Variants in DCAF4L2 observed in about 807,000 individuals in gnomAD.
DCAF4L2 encodes the protein DDB1 and CUL4 associated factor 4 like 2, also known as DDB1- and CUL4-associated factor 4-like protein 2.
DCAF4L2 carries 13 observed loss-of-function variants against 15.5 expected under a neutral mutation model. The ratio of observed to expected loss-of-function variants is 0.84; its 90% CI spans 0.54 to 1.33. DCAF4L2 has a LOEUF of 1.33. Among genes scored for constraint, DCAF4L2 ranks in the 40% most tolerant of loss-of-function variants. The probability of loss-of-function intolerance (pLI) is 0.00; values close to 1 mark genes in which losing one functional copy is unlikely to be tolerated. For synonymous variants in DCAF4L2, 251 were observed against 207.0 expected (o/e 1.21, Z -1.83); for missense variants, 519 against 509.6 (o/e 1.02, Z -0.18).
chr8:87,873,324 T>TC lies in DCAF4L2; in HGVS notation c.647dup (p.His217ThrfsTer8). On this transcript the variant is annotated frameshift_variant, in exon 1 of 1. Coordinates refer to ENST00000319675, the MANE Select transcript of DCAF4L2 (RefSeq NM_152418.4). LOFTEE classifies it high-confidence loss of function. Reference sequence around the variant, plus strand: ...TGCTAGTCCCAAATGACTGCTGGTGTCCCGTCACCACGTTGGTCAACAGGA... The same window carrying TC: ...TGCTAGTCCCAAATGACTGCTGGTGTCCCCGTCACCACGTTGGTCAACAGGA... 8.1e-6 allele frequency: 13 copies of TC among 1,614,176 alleles called. No individual in the cohort carries two copies. The highest frequency in any genetic ancestry group is 1.1e-5 in the Non-Finnish European group (13 of 1,180,032).
In DCAF4L2 at chr8:87,873,454, C is replaced by T; in HGVS notation, c.518G>A (p.Arg173Gln). ...LFIGSFPGMRRPGMLCSFQIP... is the reference protein window; with the variant it reads ...LFIGSFPGMRQPGMLCSFQIP... ...CTGGAAACTGCAAAGCATGCCAGGC[C>T]GACGCATTCCTGGGAAGCTACCTAT... Residue 173 changes from arginine (R) to glutamine (Q), a missense_variant, in exon 1 of 1, where the codon CGG (arginine) becomes CAG (glutamine). Physicochemically the swap from Arg to Gln is conservative, Grantham distance 43. Coordinates refer to ENST00000319675, the MANE Select transcript of DCAF4L2 (RefSeq NM_152418.4). The T allele has an allele frequency of 4.3e-6, 7 of 1,614,142 alleles. No homozygotes were observed. Among genetic ancestry groups the T allele is most frequent in the Non-Finnish European group, 5.9e-6 (7 of 1,180,038 alleles).
chr8:87,872,543 C>A lies in DCAF4L2; in HGVS notation c.*241G>T. 1 of 361,538 alleles carries A rather than the reference C, an allele frequency of 2.8e-6. No homozygotes were observed. The highest frequency in any genetic ancestry group is 4.9e-6 in the Non-Finnish European group (1 of 203,526). 22.4% of individuals were successfully genotyped at this position (361,538 alleles called of 1,614,324 possible). A position where few individuals can be genotyped will look rare whatever the true frequency, so the allele number is the denominator to read the frequency against. On this transcript the variant is annotated 3_prime_UTR_variant, in exon 1 of 1. Transcript: ENST00000319675. ...GGGGGGATAACTATTCTAAGGTATTCAACAAGAAAAGGAAATAGTTATCTT... is the reference window on the plus strand; with the variant it reads ...GGGGGGATAACTATTCTAAGGTATTAAACAAGAAAAGGAAATAGTTATCTT...
rs1466806625 is a variant in DCAF4L2, at chr8:87,871,757, C to G, written c.*1027G>C. 6.6e-6 allele frequency: 1 copy of G among 152,120 alleles called. No individual in the cohort carries two copies. Among genetic ancestry groups the G allele is most frequent in the Admixed American group, 6.6e-5 (1 of 15,266 alleles). The allele number at this position is 152,120 out of a possible 1,614,324, so 9.4% of individuals were successfully genotyped here. ...ACTCATTTCTACCTACATTTACAAT[C>G]AACATGTTGAGATTAATCCACAGTT... On this transcript the variant is annotated 3_prime_UTR_variant, in exon 1 of 1. Transcript: ENST00000319675.
rs769835227 is a variant in DCAF4L2 at position 87,873,475 on chromosome 8, C to T, written c.497G>A (p.Gly166Asp). 5.0e-6 allele frequency: 8 copies of T among 1,614,202 alleles called. No individual in the cohort carries two copies. The South Asian group carries it at 8.8e-5, about 18-fold the overall frequency. ...AVLLPASLFI[G>D]SFPGMRRPGM... ...AGGCCGACGCATTCCTGGGAAGCTA[C>T]CTATGAACAGCGACGCTGGGAGCAG... Residue 166 changes from glycine to aspartate, a missense_variant, in exon 1 of 1, where the codon GGT becomes GAT. Transcript: ENST00000319675.
chr8:87,871,659 A>G lies in DCAF4L2; in HGVS notation c.*1125T>C, dbSNP rs987087310. The G allele has an allele frequency of 1.3e-5, 2 of 152,200 alleles. No homozygotes were observed. Among genetic ancestry groups the G allele is most frequent in the Non-Finnish European group, 2.9e-5 (2 of 68,034 alleles). The allele number at this position is 152,200 out of a possible 1,614,324, so 9.4% of individuals were successfully genotyped here. A position where few individuals can be genotyped will look rare whatever the true frequency, so the allele number is the denominator to read the frequency against. ...TATCCTTTCTTCCTTCCACAGAGAT[A>G]CCTACTATTCAAACTGTAATCACCA... On this transcript the variant is annotated 3_prime_UTR_variant, in exon 1 of 1. Transcript: ENST00000319675.
At position 87,873,080 on chromosome 8, in the gene DCAF4L2, C is replaced by A; in HGVS notation, c.892G>T (p.Asp298Tyr). The A allele has an allele frequency of 6.2e-7, 1 of 1,614,170 alleles. No homozygotes were observed. The highest frequency in any genetic ancestry group is 8.5e-7 in the Non-Finnish European group (1 of 1,180,036). The change falls in exon 1 of 1, where the codon GAC becomes TAC. Residue 298 changes from aspartate to tyrosine, a missense_variant. Transcript: ENST00000319675. ...GTTACACATTTAGTGGCCCTCAAGT[C>A]CCACAGCTTGATAGTTCCAGTCATG... Reference protein sequence around the residue: ...SDMTGTIKLWDLRATKCVTQY... With the variant: ...SDMTGTIKLWYLRATKCVTQY...
rs1472391514 is a variant in DCAF4L2, at chr8:87,872,395, G to A, written c.*389C>T. The A allele has an allele frequency of 6.2e-6, 1 of 162,044 alleles. No homozygotes were observed. Among genetic ancestry groups the A allele is most frequent in the Non-Finnish European group, 1.4e-5 (1 of 73,828 alleles). 10.0% of individuals were successfully genotyped at this position (162,044 alleles called of 1,614,324 possible). On this transcript the variant is annotated 3_prime_UTR_variant, in exon 1 of 1. Coordinates refer to ENST00000319675, the MANE Select transcript of DCAF4L2 (RefSeq NM_152418.4). ...GCATGTATTTCCGGAACCCAGGTAG[G>A]ACTAGTCAAACAGTCTCATGCTTCT...
rs139366602 is a variant in DCAF4L2 at position 87,870,916 on chromosome 8, T to C, written c.*1868A>G. 15 of 152,668 alleles carry C rather than the reference T, an allele frequency of 9.8e-5. No homozygotes were observed. The East Asian group carries it at 2.7e-3, about 28-fold the overall frequency. The allele number at this position is 152,668 out of a possible 1,614,324, so 9.5% of individuals were successfully genotyped here. ...CTTACAATGTAAAAGGGACAATGTATACATCCTTTAAACCAATATCTACTT... is the reference window on the plus strand; with the variant it reads ...CTTACAATGTAAAAGGGACAATGTACACATCCTTTAAACCAATATCTACTT... On this transcript the variant is annotated 3_prime_UTR_variant, in exon 1 of 1. Transcript: ENST00000319675.
Position 87,873,734 on chromosome 8 carries a change from T to A in DCAF4L2, c.238A>T (p.Asn80Tyr). 1 of 1,614,190 alleles carries A rather than the reference T, an allele frequency of 6.2e-7. No homozygotes were observed. ...GTGAAGAGCTGGTCAGTGTTGGTATTCGCCAGTATGCGGTTAAATCGGTCG... is the reference window on the plus strand; with the variant it reads ...GTGAAGAGCTGGTCAGTGTTGGTATACGCCAGTATGCGGTTAAATCGGTCG... ...ASDRFNRILA[N>Y]TNTDQLFTVN... The change falls in exon 1 of 1, where the codon AAT (asparagine) becomes TAT (tyrosine). Residue 80 changes from asparagine to tyrosine, a missense_variant. Coordinates refer to ENST00000319675, the MANE Select transcript of DCAF4L2 (RefSeq NM_152418.4).
At position 87,873,503 on chromosome 8, in the gene DCAF4L2, C is replaced by A. The variant is rs1222870245; in HGVS notation, c.469G>T (p.Val157Leu). The A allele has an allele frequency of 6.2e-7, 1 of 1,614,170 alleles. No homozygotes were observed. Among genetic ancestry groups the A allele is most frequent in the Admixed American group, 1.7e-5 (1 of 60,026 alleles). The change falls in exon 1 of 1, where the codon GTG becomes TTG. Residue 157 changes from valine (V) to leucine (L), a missense_variant. Val to Leu is a conservative substitution (Grantham distance 32). Transcript: ENST00000319675. ...ATGAACAGCGACGCTGGGAGCAGCA[C>A]GGCACAGCTTGGAGTATCTGCAAGT... ...VGLADTPSCA[V>L]LLPASLFIGS...
rs2117884701 is a variant in DCAF4L2 at position 87,871,703 on chromosome 8, T to C, written c.*1081A>G. ...ATCACCATAGATAAGTTTTTAGTGC[T>C]TTGGAACTTTAGAACTGAATCAGTT... On this transcript the variant is annotated 3_prime_UTR_variant, in exon 1 of 1. Coordinates refer to ENST00000319675, the MANE Select transcript of DCAF4L2 (RefSeq NM_152418.4). 6.6e-6 allele frequency: 1 copy of C among 152,298 alleles called. No individual in the cohort carries two copies. The highest frequency in any genetic ancestry group is 1.9e-4 in the East Asian group (1 of 5,172). 9.4% of individuals were successfully genotyped at this position (152,298 alleles called of 1,614,324 possible).
rs762081558 is a variant in DCAF4L2 at position 87,873,523 on chromosome 8, G to T, written c.449C>A (p.Ala150Glu). The T allele has an allele frequency of 1.9e-6, 3 of 1,614,208 alleles. No individual in the cohort carries two copies. The South Asian group carries it at 3.3e-5, about 18-fold the overall frequency. The change falls in exon 1 of 1, where the codon GCA (alanine) becomes GAA (glutamate). Residue 150 changes from alanine to glutamate, a missense_variant. Physicochemically the swap from Ala to Glu is moderately radical, Grantham distance 107. Transcript: ENST00000319675. The part of the protein sequence containing the change: ...SHLLLCFVGL[A>E]DTPSCAVLLP... ...CAGCACGGCACAGCTTGGAGTATCT[G>T]CAAGTCCCACGAAGCACAGCAGAAG...
rs1422394358 is a variant in DCAF4L2 at position 87,873,893 on chromosome 8, A to G, written c.79T>C (p.Ser27Pro). The change falls in exon 1 of 1, where the codon TCC becomes CCC. Residue 27 changes from serine to proline, a missense_variant. Physicochemically the swap from Ser to Pro is moderately conservative, Grantham distance 74 (BLOSUM62 -1). Transcript: ENST00000319675. ...KTVRVGLNAP[S>P]MLRKNQLGFL... ...CCTAGCTGGTTCTTTCGTAGCATGG[A>G]AGGTGCATTGAGTCCCACTCTGACT... 6.8e-6 allele frequency: 11 copies of G among 1,614,016 alleles called. No homozygotes were observed. Among genetic ancestry groups the G allele is most frequent in the Non-Finnish European group, 9.3e-6 (11 of 1,180,016 alleles).
At position 87,872,769 on chromosome 8, in the gene DCAF4L2, C is replaced by A. The variant is rs768423783; in HGVS notation, c.*15G>T. On this transcript the variant is annotated 3_prime_UTR_variant, in exon 1 of 1. Transcript: ENST00000319675. ...TAAGTCAAATCCACGTTCCTCCGGG[C>A]TGCATCCTGAAGAATTAACCGTAGG... 3 of 1,543,206 alleles carry A rather than the reference C, an allele frequency of 1.9e-6. No individual in the cohort carries two copies. Among genetic ancestry groups the A allele is most frequent in the Non-Finnish European group, 2.6e-6 (3 of 1,147,296 alleles).
At position 87,871,394 on chromosome 8, in the gene DCAF4L2, C is replaced by A; in HGVS notation, c.*1390G>T. 6.4e-6 allele frequency: 1 copy of A among 155,040 alleles called. No individual in the cohort carries two copies. The allele number at this position is 155,040 out of a possible 1,614,324, so 9.6% of individuals were successfully genotyped here. ...TCCAATGCAATCATTTCTGATTTTT[C>A]TGATTATTTCTACTTCTCATAGTCA... On this transcript the variant is annotated 3_prime_UTR_variant, in exon 1 of 1. Coordinates refer to ENST00000319675, the MANE Select transcript of DCAF4L2 (RefSeq NM_152418.4).
rs1473572563 is a variant in DCAF4L2 at position 87,870,774 on chromosome 8, T to C, written c.*2010A>G. 6 of 152,166 alleles carry C rather than the reference T, an allele frequency of 3.9e-5. No individual in the cohort carries two copies. Among genetic ancestry groups the C allele is most frequent in the Non-Finnish European group, 5.9e-5 (4 of 68,022 alleles). 9.4% of individuals were successfully genotyped at this position (152,166 alleles called of 1,614,324 possible). A position where few individuals can be genotyped will look rare whatever the true frequency, so the allele number is the denominator to read the frequency against. ...TATTTGCACTTATTTTATTTGCAAG[T>C]GAGGGTAAACAGATTCGCAAGTTAC... On this transcript the variant is annotated 3_prime_UTR_variant, in exon 1 of 1. Transcript: ENST00000319675.
Position 87,870,777 on chromosome 8 carries a change from G to A in DCAF4L2, c.*2007C>T, listed in dbSNP as rs142457899. 1 of 152,038 alleles carries A rather than the reference G, an allele frequency of 6.6e-6. No homozygotes were observed. Among genetic ancestry groups the A allele is most frequent in the Non-Finnish European group, 1.5e-5 (1 of 67,990 alleles). 9.4% of individuals were successfully genotyped at this position (152,038 alleles called of 1,614,324 possible). ...TTGCACTTATTTTATTTGCAAGTGA[G>A]GGTAAACAGATTCGCAAGTTACGTA... is the stretch of plus-strand genomic sequence containing the variant. On this transcript the variant is annotated 3_prime_UTR_variant, in exon 1 of 1. Transcript: ENST00000319675.
Position 87,873,530 on chromosome 8 carries a change from C to A in DCAF4L2, c.442G>T (p.Gly148Ter). The change falls in exon 1 of 1, where the codon GGA becomes TGA. Residue 148 changes from glycine to a stop codon, truncating the protein, a stop_gained. Transcript: ENST00000319675. LOFTEE classifies it high-confidence loss of function. Reference sequence around the variant, plus strand: ...GCACAGCTTGGAGTATCTGCAAGTCCCACGAAGCACAGCAGAAGGTGGGAA... The same window carrying A: ...GCACAGCTTGGAGTATCTGCAAGTCACACGAAGCACAGCAGAAGGTGGGAA... ...LDSHLLLCFV[G>*]LADTPSCAVL... is the part of the protein sequence containing the mutation. 2 of 1,614,156 alleles carry A rather than the reference C, an allele frequency of 1.2e-6. No individual in the cohort carries two copies. The highest frequency in any genetic ancestry group is 1.7e-6 in the Non-Finnish European group (2 of 1,180,046).
Position 87,873,452 on chromosome 8 carries a change from G to A in DCAF4L2, c.520C>T (p.Pro174Ser). 6.2e-7 allele frequency: 1 copy of A among 1,614,240 alleles called. No individual in the cohort carries two copies. Among genetic ancestry groups the A allele is most frequent in the African/African-American group, 1.3e-5 (1 of 75,076 alleles). ...FIGSFPGMRRPGMLCSFQIPD... is the reference protein window; with the variant it reads ...FIGSFPGMRRSGMLCSFQIPD... ...ATCTGGAAACTGCAAAGCATGCCAG[G>A]CCGACGCATTCCTGGGAAGCTACCT... The change falls in exon 1 of 1, where the codon CCT becomes TCT. Residue 174 changes from proline to serine, a missense_variant. Transcript: ENST00000319675.
Sources: allele counts gnomAD v4.1 joint callset, GRCh38; gene constraint gnomAD v4.1.1; transcripts MANE v1.5; gene names NCBI Gene and HGNC (gene_info 2026-07-23, HGNC 2026-07-21).